B3GNT5: variants seen among roughly 807,000 people sequenced by gnomAD.
B3GNT5 encodes the protein lactosylceramide 1,3-N-acetyl-beta-D-glucosaminyltransferase.
A neutral mutation model predicts 25.9 loss-of-function variants in B3GNT5; 11 were observed. The ratio of observed to expected loss-of-function variants is 0.42; its 90% CI spans 0.27 to 0.70. B3GNT5 has a LOEUF of 0.70. Ranked by LOEUF, B3GNT5 falls within the 30% of genes least tolerant of loss-of-function variation. The probability of loss-of-function intolerance (pLI) is 0.23; values close to 1 mark genes in which losing one functional copy is unlikely to be tolerated. For missense variants in B3GNT5, 385 were observed against 458.4 expected, an observed-to-expected ratio of 0.84 and a Z score of 1.46; for synonymous variants, 166 against 158.6, an observed-to-expected ratio of 1.05 and a Z score of -0.35.
intron 1 of B3GNT5, among the ~76,000 whole-genome samples, chr3:183,257,958 CTTTTTTTTTTTTT>C (rs35323502): frequency 1.7e-4 from 11 of 64,724 alleles, no homozygotes; most frequent in African/African-American, 7.6e-4. Flanking sequence ...CCACTTCACC[CTTTTTTTTTTTTT>C]TTTTTTTTTT....
chr3:183,270,863 A>T lies in B3GNT5; in HGVS notation c.1065A>T (p.Arg355Ser). 1 of 1,612,008 alleles carries T rather than the reference A, an allele frequency of 6.2e-7. No individual in the cohort carries two copies. Among genetic ancestry groups the T allele is most frequent in the Non-Finnish European group, 8.5e-7 (1 of 1,179,410 alleles). Residue 355 changes from arginine (R) to serine (S), a missense_variant, in exon 2 of 2, where the codon AGA becomes AGT. By Grantham distance (110) the Arg-to-Ser change is moderately radical (BLOSUM62 -1). Coordinates refer to ENST00000326505, the MANE Select transcript of B3GNT5 (RefSeq NM_032047.5). This position sits in a 1 kb window ranked among gnomAD's most constrained non-coding sequence, Gnocchi z 4.5. ...GTTTTTTTGGTCAAATATACTGCAG[A>T]TTAATGAAGATAATTCTCCTTTGTA... is the stretch of plus-strand genomic sequence containing the variant. ...SKGFFGQIYC[R>S]LMKIILLCKI...
At chr3:183,254,859 TC>T (rs2108395782) in intron 1 of B3GNT5, 1 of 152,382 alleles carries the variant, frequency 6.6e-6, no homozygotes, top group Non-Finnish European at 1.5e-5. Context: ...GGCCACTCTT[TC>T]CTTTGACTCT....
intron 1 of B3GNT5, among the ~76,000 whole-genome samples, chr3:183,264,567 C>A (rs1725923117): frequency 6.6e-6 from 1 of 152,196 alleles, no homozygotes; most frequent in African/African-American, 2.4e-5. Context: ...TACTCATATA[C>A]TTGTAGGATT....
Position 183,270,372 on chromosome 3 carries a change from G to A in B3GNT5, c.574G>A (p.Ala192Thr). 2 of 1,614,160 alleles carry A rather than the reference G, an allele frequency of 1.2e-6. No homozygotes were observed. Among genetic ancestry groups the A allele is most frequent in the East Asian group, 2.2e-5 (1 of 44,890 alleles). ...TCCACATGCCAAATTTCTTATGACT[G>A]CTGATGATGACATATTTATTCACAT... The part of the protein sequence containing the change: ...YCPHAKFLMT[A>T]DDDIFIHMPN... Residue 192 changes from alanine (A) to threonine (T), a missense_variant, in exon 2 of 2, where the codon GCT (alanine) becomes ACT (threonine). By Grantham distance (58) the Ala-to-Thr change is moderately conservative (BLOSUM62 0). Coordinates refer to ENST00000326505, the MANE Select transcript of B3GNT5 (RefSeq NM_032047.5). This position sits in a 1 kb window ranked among gnomAD's most constrained non-coding sequence, Gnocchi z 4.5.
Position 183,270,051 on chromosome 3 carries a change from G to A in B3GNT5, c.253G>A (p.Ala85Thr). 1 of 1,614,146 alleles carries A rather than the reference G, an allele frequency of 6.2e-7. No homozygotes were observed. The highest frequency in any genetic ancestry group is 8.5e-7 in the Non-Finnish European group (1 of 1,180,028). Residue 85 changes from alanine (A) to threonine (T), a missense_variant, in exon 2 of 2, where the codon GCT becomes ACT. Physicochemically the swap from Ala to Thr is moderately conservative, Grantham distance 58. Transcript: ENST00000326505. The surrounding 1 kb of genome is among the most constrained non-coding windows in gnomAD (Gnocchi z 4.5). ...YLINHKEKCQ[A>T]QDVLLLLFVK... ...GATTAACCACAAGGAAAAGTGTCAAGCTCAAGACGTCCTCCTTTTACTGTT... is the reference window on the plus strand; with the variant it reads ...GATTAACCACAAGGAAAAGTGTCAAACTCAAGACGTCCTCCTTTTACTGTT...
In B3GNT5 at chr3:183,273,171, A is replaced by G; in HGVS notation, c.*2236A>G. ...AATGTCAACAAAGGGAAAATAAACT[A>G]TCAGCTTGGATGGTCACTTGAATAG... On this transcript the variant is annotated 3_prime_UTR_variant, in exon 2 of 2. Coordinates refer to ENST00000326505, the MANE Select transcript of B3GNT5 (RefSeq NM_032047.5). The G allele has an allele frequency of 3.9e-6, 2 of 512,226 alleles. No individual in the cohort carries two copies. Among genetic ancestry groups the G allele is most frequent in the South Asian group, 3.4e-5 (1 of 29,234 alleles). The allele number at this position is 512,226 out of a possible 1,614,324, so 31.7% of individuals were successfully genotyped here.
Position 183,267,894 on chromosome 3 carries a change from C to T in B3GNT5, c.-301-1604C>T, listed in dbSNP as rs573604661. ...GAGTAAACAGTGGCTCCACCCCCGG[C>T]ATGGTTCTTTGCACCAACATTTGGG... On this transcript the variant is annotated intron_variant, in intron 1 of 1. Coordinates refer to ENST00000326505, the MANE Select transcript of B3GNT5 (RefSeq NM_032047.5). The surrounding 1 kb of genome is among the most constrained non-coding windows in gnomAD (Gnocchi z 5.5). Among the ~76,000 whole-genome samples the T allele has an allele frequency of 3.9e-5, 6 of 152,314 alleles. No homozygotes were observed. In the South Asian group the frequency reaches 1.2e-3, roughly 32 times the overall value.
chr3:183,268,092 A>T (rs560710965), intron 1 of B3GNT5, among the ~76,000 whole-genome samples: 9 of 152,364 alleles, frequency 5.9e-5, no homozygotes, highest in African/African-American at 2.2e-4. Flanking sequence ...CCAGAGAAGG[A>T]TGTCTGTAGA....
Position 183,270,979 on chromosome 3 carries a change from C to G in B3GNT5, c.*44C>G, listed in dbSNP as rs1479532804. On this transcript the variant is annotated 3_prime_UTR_variant, in exon 2 of 2. Transcript: ENST00000326505. This position sits in a 1 kb window ranked among gnomAD's most constrained non-coding sequence, Gnocchi z 4.5. ...TGTTTTCACTGTCACTGAGTCAAAC[C>G]TGGATGAAAAAAACCTTTAAATGTT... 6.7e-7 allele frequency: 1 copy of G among 1,497,310 alleles called. No individual in the cohort carries two copies. The allele number at this position is 1,497,310 out of a possible 1,614,324, so 92.8% of individuals were successfully genotyped here.
In B3GNT5 at chr3:183,270,555, A is replaced by AC; in HGVS notation, c.758dup (p.Ala254SerfsTer10). 6.2e-7 allele frequency: 1 copy of AC among 1,614,200 alleles called. No individual in the cohort carries two copies. Among genetic ancestry groups the AC allele is most frequent in the Non-Finnish European group, 8.5e-7 (1 of 1,180,042 alleles). On this transcript the variant is annotated frameshift_variant, in exon 2 of 2. Coordinates refer to ENST00000326505, the MANE Select transcript of B3GNT5 (RefSeq NM_032047.5). LOFTEE classifies it high-confidence loss of function. This position sits in a 1 kb window ranked among gnomAD's most constrained non-coding sequence, Gnocchi z 4.5. ...CCAGTGGCCAGCTTACCCTGACTAC[A>AC]CAGCCGGAGCTGCCTATGTAATCTC...
intron 1 of B3GNT5, chr3:183,265,352 T>C (rs1043381064): frequency 1.3e-5 from 2 of 152,336 alleles, no homozygotes; most frequent in African/African-American, 4.8e-5. Context: ...GCATTCGGCA[T>C]TGGGCTTGCT....
At chr3:183,266,790 C>CTTTTTT (rs113393313) in intron 1 of B3GNT5, among the ~76,000 whole-genome samples, 38 of 143,726 alleles carry the variant, frequency 2.6e-4, no homozygotes, top group African/African-American at 9.5e-4. Flanking sequence ...GTGTTTCAGT[C>CTTTTTT]TTTTTTTTTT....
In B3GNT5 at chr3:183,273,100, A is replaced by G. The variant is rs1018725189; in HGVS notation, c.*2165A>G. 1.5e-6 allele frequency: 2 copies of G among 1,327,096 alleles called. No individual in the cohort carries two copies. The highest frequency in any genetic ancestry group is 2.0e-6 in the Non-Finnish European group (2 of 989,512). The allele number at this position is 1,327,096 out of a possible 1,614,324, so 82.2% of individuals were successfully genotyped here. On this transcript the variant is annotated 3_prime_UTR_variant, in exon 2 of 2. Coordinates refer to ENST00000326505, the MANE Select transcript of B3GNT5 (RefSeq NM_032047.5). ...AAGGGTTCCAACCTTTTAAAAAAGA[A>G]GGAAAAAACTTTTTGGTGCTCCAGT... is the stretch of plus-strand genomic sequence containing the variant.
intron 1 of B3GNT5, among the ~76,000 whole-genome samples, chr3:183,259,466 T>C (rs1463946271): frequency 2.0e-5 from 3 of 152,192 alleles, no homozygotes; most frequent in African/African-American, 7.2e-5. Flanking sequence ...TTTACATCTC[T>C]TCATCAGGTT....
chr3:183,269,736 T>C lies in B3GNT5; in HGVS notation c.-63T>C. 4 of 1,442,476 alleles carry C rather than the reference T, an allele frequency of 2.8e-6. No homozygotes were observed. Among genetic ancestry groups the C allele is most frequent in the South Asian group, 2.7e-5 (2 of 73,636 alleles). 89.4% of individuals were successfully genotyped at this position (1,442,476 alleles called of 1,614,324 possible). A position where few individuals can be genotyped will look rare whatever the true frequency, so the allele number is the denominator to read the frequency against. On this transcript the variant is annotated 5_prime_UTR_variant, in exon 2 of 2. An upstream start codon of the reference 5' UTR is lost. Coordinates refer to ENST00000326505, the MANE Select transcript of B3GNT5 (RefSeq NM_032047.5). ...CTACTCTACGAAACACGAAGTTCTA[T>C]GGTCTCGAAGAAGCCCGTGCCTGTT...
rs1726905559 is a variant in B3GNT5 at position 183,272,911 on chromosome 3, A to G, written c.*1976A>G. On this transcript the variant is annotated 3_prime_UTR_variant, in exon 2 of 2. Transcript: ENST00000326505. The stretch of plus-strand genomic sequence containing the variant: ...GAAACAATTATTTATTTGCTGAAAG[A>G]GCTCTTCTGAACTGTGTCCTTTTAA... 3.7e-6 allele frequency: 5 copies of G among 1,348,396 alleles called. No homozygotes were observed. The highest frequency in any genetic ancestry group is 4.8e-6 in the Non-Finnish European group (5 of 1,042,384). The allele number at this position is 1,348,396 out of a possible 1,614,324, so 83.5% of individuals were successfully genotyped here. A position where few individuals can be genotyped will look rare whatever the true frequency, so the allele number is the denominator to read the frequency against.
intron 1 of B3GNT5, among the ~76,000 whole-genome samples, chr3:183,255,071 A>G (rs1359893139): frequency 6.6e-6 from 1 of 152,206 alleles, no homozygotes; most frequent in Non-Finnish European, 1.5e-5. Context: ...CCTGAGGCTC[A>G]TATTTATGGT....
At chr3:183,261,570 C>T (rs772521654) in intron 1 of B3GNT5, among the ~76,000 whole-genome samples, 9 of 152,060 alleles carry the variant, frequency 5.9e-5, no homozygotes, top group Non-Finnish European at 1.2e-4. Flanking sequence ...AAGCATATCA[C>T]TTTTAAAGGG....
rs1174641109 is a variant in B3GNT5, at chr3:183,253,256, T to C, written c.-518T>C. On this transcript the variant is annotated 5_prime_UTR_variant, in exon 1 of 2. Transcript: ENST00000326505. ...CGGGCCCGCCCCCATCCCGCCCGCATACAGCCCGCATCCCGCCGGGGAAGC... is the reference window on the plus strand; with the variant it reads ...CGGGCCCGCCCCCATCCCGCCCGCACACAGCCCGCATCCCGCCGGGGAAGC... 5 of 139,410 alleles carry C rather than the reference T, an allele frequency of 3.6e-5. No individual in the cohort carries two copies. In the East Asian group the frequency reaches 1.0e-3, roughly 28 times the overall value. 8.6% of individuals were successfully genotyped at this position (139,410 alleles called of 1,614,324 possible).
Sources: gnomAD v4.1 joint callset for allele counts (sites outside exome capture counted in the v4.1 genomes callset) on GRCh38, gnomAD v4.1.1 for gene constraint, Gnocchi (gnomAD v3.1) non-coding constraint, MANE v1.5 for transcripts, NCBI Gene and HGNC (gene_info 2026-07-23, HGNC 2026-07-21) for gene names.